AK5: variants seen among roughly 807,000 people sequenced by gnomAD.
The protein encoded by AK5 is adenylate kinase isoenzyme 5.
In AK5, 27 loss-of-function variants were observed where a neutral mutation model predicts 69.5. The ratio of observed to expected loss-of-function variants is 0.39; its 90% CI spans 0.29 to 0.54. The LOEUF (loss-of-function observed/expected upper bound fraction) is 0.54. Ranked by LOEUF, AK5 falls within the 20% of genes least tolerant of loss-of-function variation. The pLI is 0.71. For missense variants in AK5, 531 were observed against 700.4 expected (o/e 0.76, Z 2.73); for synonymous variants, 260 against 244.4 (o/e 1.06, Z -0.60).
chr1:77,509,178 T>TACTATACACGGGCACTGTTAA (rs1553159023), intron 10 of AK5, among the ~76,000 whole-genome samples: 2 of 152,152 alleles, frequency 1.3e-5, no homozygotes, highest in Non-Finnish European at 2.9e-5. Flanking sequence ...TTCACTGATA[T>TACTATACACGGGCACTGTTAA]ACTATACACG....
chr1:77,339,793 G>A (rs375016372), intron 5 of AK5, among the ~76,000 whole-genome samples: 3 of 151,650 alleles, frequency 2.0e-5, no homozygotes, highest in South Asian at 2.1e-4. Context: ...TTACAGGTGC[G>A]TGCCACCACC....
intron 8 of AK5, among the ~76,000 whole-genome samples, chr1:77,480,664 A>G (rs1411781423): frequency 6.6e-6 from 1 of 152,236 alleles, no homozygotes; most frequent in Non-Finnish European, 1.5e-5. Flanking sequence ...GATAGATTCA[A>G]TAGCTGTTTG....
intron 10 of AK5, among the ~76,000 whole-genome samples, chr1:77,516,738 G>T (rs779725031): frequency 2.0e-5 from 3 of 151,710 alleles, no homozygotes; most frequent in Non-Finnish European, 4.4e-5. Flanking sequence ...TCCAAGAATT[G>T]TGTTAGTTGG....
chr1:77,396,933 T>C (rs1648871030), intron 6 of AK5, among the ~76,000 whole-genome samples: 1 of 152,222 alleles, frequency 6.6e-6, no homozygotes, highest in African/African-American at 2.4e-5. Flanking sequence ...TAATAAATGG[T>C]AACTCGTGCC....
chr1:77,388,493 G>C (rs72679581), intron 6 of AK5, among the ~76,000 whole-genome samples: 2,540 of 152,300 alleles, frequency 0.017, 34 homozygotes, highest in Non-Finnish European at 0.028. Context: ...CATTCAGGTA[G>C]TCTTTGCCAC....
chr1:77,531,200 G>A (rs1164997749), intron 12 of AK5, among the ~76,000 whole-genome samples: 1 of 152,200 alleles, frequency 6.6e-6, no homozygotes, highest in African/African-American at 2.4e-5. Context: ...GAGTGAAGCT[G>A]CAGACCTTCG....
intron 13 of AK5, among the ~76,000 whole-genome samples, chr1:77,550,667 C>A (rs908026273): frequency 6.6e-6 from 1 of 152,200 alleles, no homozygotes; most frequent in African/African-American, 2.4e-5. Flanking sequence ...TAAATTGGTT[C>A]TTTTCCATTT....
At chr1:77,528,826 AG>A (rs2100337176) in intron 12 of AK5, among the ~76,000 whole-genome samples, 1 of 152,342 alleles carries the variant, frequency 6.6e-6, no homozygotes, top group South Asian at 2.1e-4. Flanking sequence ...TGGTGTGAAC[AG>A]GCCTGTATTT....
At chr1:77,516,941 C>T (rs971823932) in intron 10 of AK5, among the ~76,000 whole-genome samples, 5 of 151,820 alleles carry the variant, frequency 3.3e-5, no homozygotes, top group Admixed American at 1.3e-4. Context: ...CATGGTGGTG[C>T]GCACCTGTAA....
intron 11 of AK5, among the ~76,000 whole-genome samples, chr1:77,519,648 CT>C (rs1657871099): frequency 6.6e-6 from 1 of 152,234 alleles, no homozygotes; most frequent in East Asian, 1.9e-4. Flanking sequence ...TGTGTTATTT[CT>C]TGATGATATG....
At chr1:77,373,313 C>T (rs896693635) in intron 6 of AK5, among the ~76,000 whole-genome samples, 3 of 152,200 alleles carry the variant, frequency 2.0e-5, no homozygotes, top group Non-Finnish European at 4.4e-5. Flanking sequence ...TCCCAATGCT[C>T]TAACCGTAAA....
At chr1:77,414,738 G>A (rs374258009) in intron 7 of AK5, among the ~76,000 whole-genome samples, 10 of 152,014 alleles carry the variant, frequency 6.6e-5, no homozygotes, top group East Asian at 1.9e-4. Flanking sequence ...TCACTTTTTC[G>A]TAACATCCTA....
intron 8 of AK5, among the ~76,000 whole-genome samples, chr1:77,446,853 A>G (rs542085429): frequency 2.0e-5 from 3 of 152,342 alleles, no homozygotes; most frequent in Non-Finnish European, 4.4e-5. Context: ...AGTGCTGATT[A>G]TAATTTGAGG....
chr1:77,431,258 A>T (rs557651559), intron 8 of AK5, among the ~76,000 whole-genome samples: 7 of 152,280 alleles, frequency 4.6e-5, no homozygotes, highest in African/African-American at 1.4e-4. Flanking sequence ...GATATTAGTG[A>T]ATTGAGAGCC....
intron 1 of AK5, chr1:77,282,918 C>G: frequency 1.0e-6 from 1 of 985,990 alleles, no homozygotes; most frequent in Non-Finnish European, 1.2e-6. Flanking sequence ...GCCACCTCCC[C>G]GGTGACAGGC....
At chr1:77,380,553 C>T (rs142434528) in intron 6 of AK5, among the ~76,000 whole-genome samples, 2 of 152,302 alleles carry the variant, frequency 1.3e-5, no homozygotes, top group Non-Finnish European at 2.9e-5. Context: ...AAACTGTGAA[C>T]ATATTTACTG....
At chr1:77,500,015 C>A (rs1656617420) in intron 10 of AK5, among the ~76,000 whole-genome samples, 1 of 151,512 alleles carries the variant, frequency 6.6e-6, no homozygotes, top group Non-Finnish European at 1.5e-5. Flanking sequence ...TACTTCCCCC[C>A]AAGTTCCTCA....
intron 11 of AK5, among the ~76,000 whole-genome samples, chr1:77,519,732 A>G (rs1168380917): frequency 6.6e-6 from 1 of 152,168 alleles, no homozygotes; most frequent in Non-Finnish European, 1.5e-5. Flanking sequence ...TTGCTGTGGC[A>G]TTTGTAAACT....
intron 8 of AK5, among the ~76,000 whole-genome samples, chr1:77,444,352 GTGTATATATAGTATAAA>G (rs1652573680): frequency 1.8e-5 from 1 of 54,310 alleles, no homozygotes; most frequent in African/African-American, 7.8e-5. Context: ...CACAATATAT[GTGTATATATAGTATAAA>G]TATATACTAT....
Sources: allele counts gnomAD v4.1 joint callset (sites outside exome capture counted in the v4.1 genomes callset), GRCh38; gene constraint gnomAD v4.1.1; transcripts MANE v1.5; gene names NCBI Gene and HGNC (gene_info 2026-07-23, HGNC 2026-07-21).